The following ALG5 variants were observed in gnomAD, a reference collection of about 807,000 sequenced individuals.
ALG5 encodes the protein dolichyl-phosphate beta-glucosyltransferase.
A neutral mutation model predicts 51.8 loss-of-function variants in ALG5; 26 were observed. That is an observed-to-expected ratio of 0.50 (90% CI 0.37 to 0.70). The LOEUF (loss-of-function observed/expected upper bound fraction) is 0.70. Among genes scored for constraint, ALG5 ranks in the 30% least tolerant of loss-of-function variants. The pLI, the probability that ALG5 is intolerant of heterozygous loss-of-function variation, is 0.00. For synonymous variants in ALG5, 141 were observed against 136.1 expected (o/e 1.04, Z -0.25); for missense variants, 311 against 399.3 (o/e 0.78, Z 1.88).
At chr13:36,953,229 T>A (rs1282830844) in intron 8 of ALG5, among the ~76,000 whole-genome samples, 1 of 152,224 alleles carries the variant, frequency 6.6e-6, no homozygotes, top group Non-Finnish European at 1.5e-5. Flanking sequence ...CATAGGAATC[T>A]GATATATTGT....
intron 8 of ALG5, among the ~76,000 whole-genome samples, chr13:36,964,919 C>CAAAAAAAAA (rs34435719): frequency 7.3e-6 from 1 of 136,858 alleles, no homozygotes. Context: ...GAGCGAAACT[C>CAAAAAAAAA]AAAAAAAAAA....
chr13:36,965,962 A>C (rs2058891361), intron 7 of ALG5, among the ~76,000 whole-genome samples: 1 of 152,176 alleles, frequency 6.6e-6, no homozygotes, highest in Non-Finnish European at 1.5e-5. Context: ...CTGGAGGTTG[A>C]GTCAGACAAG....
At chr13:36,989,425 A>G in intron 5 of ALG5, 59 bp downstream of exon 5, 3 of 1,337,482 alleles carry the variant, frequency 2.2e-6, no homozygotes, top group Non-Finnish European at 3.2e-6. Context: ...CAAGTCTGCA[A>G]AAGACATTAT....
At position 36,989,474 on chromosome 13, in the gene ALG5, T is replaced by C. The variant is rs936896143; in HGVS notation, c.447+10A>G. On this transcript the variant is annotated intron_variant, in intron 5 of 9. Coordinates refer to ENST00000239891, the MANE Select transcript of ALG5 (RefSeq NM_013338.5). ...ATATTTTAGATAAAAATGTTGAAAA[T>C]ATGTATTACCATTCTAATCGCTCCA... 1.2e-5 allele frequency: 19 copies of C among 1,595,848 alleles called. No individual in the cohort carries two copies. Among genetic ancestry groups the C allele is most frequent in the Non-Finnish European group, 1.6e-5 (19 of 1,166,366 alleles).
intron 8 of ALG5, among the ~76,000 whole-genome samples, chr13:36,954,148 G>A (rs143139341): frequency 2.6e-5 from 4 of 152,076 alleles, no homozygotes; most frequent in East Asian, 3.9e-4. Context: ...ATGCAGTGGC[G>A]CAATCAGGGC....
chr13:36,953,401 A>C lies in ALG5; in HGVS notation c.774-802T>G, dbSNP rs566659662. On this transcript the variant is annotated intron_variant, in intron 8 of 9. Transcript: ENST00000239891. Reference sequence around the variant, plus strand: ...TAAAGGTTCTGAATCCTGACTCATAAGTTTTCCTGGATTCTGCTTACAAAA... The same window carrying C: ...TAAAGGTTCTGAATCCTGACTCATACGTTTTCCTGGATTCTGCTTACAAAA... Among the ~76,000 whole-genome samples the C allele has an allele frequency of 2.0e-5, 3 of 152,298 alleles. No individual in the cohort carries two copies. The East Asian group carries it at 5.8e-4, about 29-fold the overall frequency.
At chr13:36,995,935 T>C (rs952483126) in intron 1 of ALG5, among the ~76,000 whole-genome samples, 1 of 152,168 alleles carries the variant, frequency 6.6e-6, no homozygotes, top group Non-Finnish European at 1.5e-5. Flanking sequence ...CCTAAAACCC[T>C]GATCCTTAGC....
At chr13:36,983,553 G>A (rs903174787) in intron 6 of ALG5, among the ~76,000 whole-genome samples, 1 of 129,246 alleles carries the variant, frequency 7.7e-6, no homozygotes, top group East Asian at 2.3e-4. Context: ...GGGCAACACA[G>A]TAAGACCTTA....
chr13:36,954,648 T>C (rs921366904), intron 8 of ALG5, among the ~76,000 whole-genome samples: 9 of 152,228 alleles, frequency 5.9e-5, no homozygotes, highest in Non-Finnish European at 1.2e-4. Context: ...CAGAGCCTTA[T>C]GTTATTAGGG....
chr13:36,965,838 TAC>T, intron 7 of ALG5, 112 bp from the exon 8 acceptor site: 1 of 880,796 alleles, frequency 1.1e-6, no homozygotes, highest in Non-Finnish European at 1.7e-6. Context: ...TGGTAGATCT[TAC>T]ATAAGAACAC....
chr13:36,964,367 A>C (rs1025516726), intron 8 of ALG5, among the ~76,000 whole-genome samples: 1 of 152,158 alleles, frequency 6.6e-6, no homozygotes, highest in African/African-American at 2.4e-5. Context: ...AGTATGGAGA[A>C]GGATGGTGTT....
intron 6 of ALG5, among the ~76,000 whole-genome samples, chr13:36,975,192 C>G (rs770421025): frequency 2.0e-5 from 3 of 152,156 alleles, no homozygotes; most frequent in Non-Finnish European, 4.4e-5. Context: ...GCCTGGGCAA[C>G]AAGAGTAAAA....
intron 7 of ALG5, chr13:36,967,907 T>G (rs1566060168): frequency 2.8e-6 from 2 of 707,020 alleles, no homozygotes; most frequent in East Asian, 1.3e-4. Flanking sequence ...ATTTTTAATG[T>G]GATTTGAGTG....
At position 36,979,513 on chromosome 13, in the gene ALG5, A is replaced by T. The variant is rs191961016; in HGVS notation, c.561+6114T>A. On this transcript the variant is annotated intron_variant, in intron 6 of 9. Coordinates refer to ENST00000239891, the MANE Select transcript of ALG5 (RefSeq NM_013338.5). ...TTAAGGAACCAAACCATGCACGCAG[A>T]TATGAATCATTGGTATACAAAACTA... Among the ~76,000 whole-genome samples, 424 of 152,330 alleles carry T rather than the reference A, an allele frequency of 2.8e-3. 4 individuals are homozygous for T. Among genetic ancestry groups the T allele is most frequent in the Non-Finnish European group, 3.6e-3 (247 of 68,034 alleles).
At chr13:36,988,299 C>T (rs1365996853) in intron 5 of ALG5, among the ~76,000 whole-genome samples, 1 of 152,220 alleles carries the variant, frequency 6.6e-6, no homozygotes, top group East Asian at 1.9e-4. Context: ...AATGAAAATA[C>T]AACATTGGCT....
intron 6 of ALG5, among the ~76,000 whole-genome samples, chr13:36,973,731 C>G (rs961584323): frequency 1.1e-4 from 17 of 152,122 alleles, no homozygotes; most frequent in African/African-American, 4.1e-4. Flanking sequence ...AGTGCATTTA[C>G]TATTTTAAAA....
At chr13:36,971,649 C>CGAAAA (rs2058923952) in intron 7 of ALG5, among the ~76,000 whole-genome samples, 1 of 50,702 alleles carries the variant, frequency 2.0e-5, no homozygotes, top group Admixed American at 3.3e-4. Flanking sequence ...ACTCCGTCTC[C>CGAAAA]AAAAAAAAAA....
intron 1 of ALG5, among the ~76,000 whole-genome samples, chr13:36,995,919 A>T (rs2059047733): frequency 6.6e-6 from 1 of 152,178 alleles, no homozygotes; most frequent in South Asian, 2.1e-4. Flanking sequence ...GTCTACTCTC[A>T]GGTGCCCTAA....
chr13:36,972,884 C>T lies in ALG5; in HGVS notation c.562-848G>A, dbSNP rs185000900. ...GCGGGCGCCTGTAATCCCAGCTACT[C>T]GGGAGGCTGAGGCAGGAGAATGGCG... is the stretch of plus-strand genomic sequence containing the variant. On this transcript the variant is annotated intron_variant, in intron 6 of 9. Coordinates refer to ENST00000239891, the MANE Select transcript of ALG5 (RefSeq NM_013338.5). Among the ~76,000 whole-genome samples, 187 of 149,910 alleles carry T rather than the reference C, an allele frequency of 1.2e-3. 2 individuals are homozygous for T. Among genetic ancestry groups the T allele is most frequent in the African/African-American group, 4.4e-3 (180 of 40,780 alleles).
Sources: allele counts gnomAD v4.1 joint callset (sites outside exome capture counted in the v4.1 genomes callset), GRCh38; gene constraint gnomAD v4.1.1; transcripts MANE v1.5; gene names NCBI Gene and HGNC (gene_info 2026-07-23, HGNC 2026-07-21).